Variants in STK35 observed in about 807,000 individuals in gnomAD.
STK35 encodes the protein serine/threonine kinase 35.
Under a neutral mutation model 37.3 loss-of-function variants are expected in STK35, and 17 were observed. The observed-to-expected ratio is 0.46, with a 90% confidence interval of 0.31 to 0.68. The LOEUF (loss-of-function observed/expected upper bound fraction) is 0.68. Ranked by LOEUF, STK35 falls within the 30% of genes least tolerant of loss-of-function variation. The pLI, the probability that STK35 is intolerant of heterozygous loss-of-function variation, is 0.05. For missense variants in STK35, 595 were observed against 746.7 expected (o/e 0.80, Z 2.37); for synonymous variants, 385 against 319.1 (o/e 1.21, Z -2.20).
In STK35 at chr20:2,124,386, AC is replaced by A. The variant is rs138140898; in HGVS notation, c.*37+6975del. Reference sequence around the variant, plus strand: ...GTCGAAGTCAGTGGTTTGGTTTTGCACCCCAGAAGCTGATCCCTACTTAGTC... The same window carrying A: ...GTCGAAGTCAGTGGTTTGGTTTTGCACCCAGAAGCTGATCCCTACTTAGTC... On this transcript the variant is annotated intron_variant, in intron 3 of 3. Transcript: ENST00000381482. Among the ~76,000 whole-genome samples, 13 of 152,200 alleles carry A rather than the reference AC, an allele frequency of 8.5e-5. No homozygotes were observed. In the East Asian group the frequency reaches 2.5e-3, roughly 29 times the overall value.
intron 3 of STK35, among the ~76,000 whole-genome samples, chr20:2,121,612 G>T (rs1304557131): frequency 6.6e-6 from 1 of 152,156 alleles, no homozygotes; most frequent in East Asian, 1.9e-4. Flanking sequence ...GTCCAGCCTA[G>T]AGATACAAAT....
At position 2,117,167 on chromosome 20, in the gene STK35, C is replaced by T. The variant is rs751633704; in HGVS notation, c.1394C>T (p.Thr465Ile). ...GAGACCAAGAAGGAGCTCCTGGGGA[C>T]CTACATTAAACAGGGGACTGAGATC... ...DSETKKELLG[T>I]YIKQGTEIVP... Residue 465 changes from threonine (T) to isoleucine (I), a missense_variant, in exon 3 of 4, where the codon ACC (threonine) becomes ATC (isoleucine). Coordinates refer to ENST00000381482, the MANE Select transcript of STK35 (RefSeq NM_080836.4). The surrounding 1 kb of genome is among the most constrained non-coding windows in gnomAD (Gnocchi z 4.4). 1 of 1,614,020 alleles carries T rather than the reference C, an allele frequency of 6.2e-7. No individual in the cohort carries two copies. Among genetic ancestry groups the T allele is most frequent in the East Asian group, 2.2e-5 (1 of 44,868 alleles).
At chr20:2,137,036 C>T (rs1327407099) in intron 3 of STK35, among the ~76,000 whole-genome samples, 1 of 152,142 alleles carries the variant, frequency 6.6e-6, no homozygotes, top group African/African-American at 2.4e-5. Flanking sequence ...AGGCTGTCAC[C>T]TCAAGAGAAG....
chr20:2,102,692 G>A, intron 1 of STK35, 76 bp from the exon 2 acceptor site: 2 of 1,269,826 alleles, frequency 1.6e-6, no homozygotes, highest in Non-Finnish European at 2.0e-6. Context: ...GGGAGGAGGA[G>A]GTGGGACGCC....
intron 3 of STK35, among the ~76,000 whole-genome samples, chr20:2,134,503 TAATA>T (rs1986052551): frequency 6.6e-6 from 1 of 152,190 alleles, no homozygotes; most frequent in African/African-American, 2.4e-5. Flanking sequence ...GTTTTTGCCT[TAATA>T]AATAAGGGGC....
intron 3 of STK35, among the ~76,000 whole-genome samples, chr20:2,129,264 C>G (rs998298186): frequency 6.6e-6 from 1 of 152,144 alleles, no homozygotes; most frequent in Non-Finnish European, 1.5e-5. Context: ...CATGTAAACC[C>G]TGGGCATCTC....
At chr20:2,129,323 A>G (rs1343571588) in intron 3 of STK35, among the ~76,000 whole-genome samples, 1 of 152,068 alleles carries the variant, frequency 6.6e-6, no homozygotes, top group Non-Finnish European at 1.5e-5. Flanking sequence ...TAACACCTGG[A>G]GGGATTGCCG....
At chr20:2,137,206 T>C (rs1986101632) in intron 3 of STK35, among the ~76,000 whole-genome samples, 2 of 152,238 alleles carry the variant, frequency 1.3e-5, no homozygotes, top group Admixed American at 6.5e-5. Flanking sequence ...ACCTGCTATG[T>C]GTACTATCAC....
intron 2 of STK35, among the ~76,000 whole-genome samples, chr20:2,114,615 A>G (rs868677950): frequency 6.6e-6 from 1 of 152,294 alleles, no homozygotes; most frequent in South Asian, 2.1e-4. Flanking sequence ...CTCCTTCCTC[A>G]GAGCAGCTCC....
intron 3 of STK35, among the ~76,000 whole-genome samples, chr20:2,118,364 A>C (rs1209142379): frequency 6.6e-6 from 1 of 152,324 alleles, no homozygotes; most frequent in South Asian, 2.1e-4. Context: ...GCGGATCACG[A>C]GGTCAGGAGA....
At chr20:2,113,216 C>G (rs903876526) in intron 2 of STK35, among the ~76,000 whole-genome samples, 1 of 152,120 alleles carries the variant, frequency 6.6e-6, no homozygotes. Context: ...CTGGGGAGGC[C>G]GGAAGACTGA....
At chr20:2,139,253 G>A (rs557983375) in intron 3 of STK35, among the ~76,000 whole-genome samples, 1 of 152,272 alleles carries the variant, frequency 6.6e-6, no homozygotes, top group East Asian at 1.9e-4. Flanking sequence ...CTTCATGAAA[G>A]TAGTTCAGTT....
Position 2,102,802 on chromosome 20 carries a change from G to T in STK35, c.329G>T (p.Arg110Met). Residue 110 changes from arginine to methionine, a missense_variant, in exon 2 of 4, where the codon AGG becomes ATG. Transcript: ENST00000381482. ...CAAGGTCCGGCTCCTCCGCGTCCCA[G>T]GGCCGGACGGAGGGATGAGGCAGGG... ...TIQGPAPPRPRAGRRDEAGGA... is the reference protein window; with the variant it reads ...TIQGPAPPRPMAGRRDEAGGA... 1.3e-6 allele frequency: 2 copies of T among 1,503,380 alleles called. No individual in the cohort carries two copies. The highest frequency in any genetic ancestry group is 1.8e-6 in the Non-Finnish European group (2 of 1,130,740). The allele number at this position is 1,503,380 out of a possible 1,614,324, so 93.1% of individuals were successfully genotyped here.
At chr20:2,103,481 T>G in intron 2 of STK35, 116 bp downstream of exon 2, 1 of 993,576 alleles carries the variant, frequency 1.0e-6, no homozygotes. Context: ...CCTGTCACCC[T>G]GTGCCCTGAC....
chr20:2,140,144 G>C (rs902417902), intron 3 of STK35, among the ~76,000 whole-genome samples: 2 of 152,186 alleles, frequency 1.3e-5, no homozygotes, highest in Admixed American at 6.5e-5. Flanking sequence ...TCATGGAAGG[G>C]CACTACAGAT....
chr20:2,132,648 T>G lies in STK35; in HGVS notation c.*38-11136T>G, dbSNP rs556591193. 3.4e-4 allele frequency among the ~76,000 whole-genome samples: 52 copies of G among 152,350 alleles called. 2 individuals carry two copies. The South Asian group carries it at 9.5e-3, about 28-fold the overall frequency. On this transcript the variant is annotated intron_variant, in intron 3 of 3. Transcript: ENST00000381482. The stretch of plus-strand genomic sequence containing the variant: ...ACTGGCAGTACCTGTCTCCAAAAAG[T>G]GTGAGACTGCACAGGCACCTTCCAG...
At chr20:2,107,261 G>A (rs1985532842) in intron 2 of STK35, among the ~76,000 whole-genome samples, 1 of 152,196 alleles carries the variant, frequency 6.6e-6, no homozygotes. Flanking sequence ...AGCAAGTGAG[G>A]ACACACTCAC....
Position 2,103,137 on chromosome 20 carries a change from G to T in STK35, c.664G>T (p.Gly222Trp). The change falls in exon 2 of 4, where the codon GGG becomes TGG. Residue 222 changes from glycine (G) to tryptophan (W), a missense_variant. Around this residue, in one of 3 missense-constraint regions of STK35, gnomAD observed 97 missense variants for 146.4 expected, o/e 0.66. Coordinates refer to ENST00000381482, the MANE Select transcript of STK35 (RefSeq NM_080836.4). ...CGGCGTGGTTTATGAGGCAGTGGCC[G>T]GGCGCAGCGGGGCCCGGGTGGCGGT... ...SYGVVYEAVAGRSGARVAVKK... is the reference protein window; with the variant it reads ...SYGVVYEAVAWRSGARVAVKK... The T allele has an allele frequency of 6.2e-7, 1 of 1,604,856 alleles. No homozygotes were observed. The highest frequency in any genetic ancestry group is 2.2e-5 in the East Asian group (1 of 44,730).
chr20:2,101,967 G>GC lies in STK35; in HGVS notation c.87dup (p.Glu30ArgfsTer87). ...AGGTTATGTAAAGGGCTCAGCTGGC[G>GC]CGAACACGTGGAAAGCCACGGGAGC... On this transcript the variant is annotated frameshift_variant, in exon 1 of 4. Coordinates refer to ENST00000381482, the MANE Select transcript of STK35 (RefSeq NM_080836.4). LOFTEE classifies it high-confidence loss of function. 1 of 1,522,954 alleles carries GC rather than the reference G, an allele frequency of 6.6e-7. No individual in the cohort carries two copies. The highest frequency in any genetic ancestry group is 8.8e-7 in the Non-Finnish European group (1 of 1,138,180). The allele number at this position is 1,522,954 out of a possible 1,614,324, so 94.3% of individuals were successfully genotyped here.
Sources: allele counts gnomAD v4.1 joint callset (sites outside exome capture counted in the v4.1 genomes callset), GRCh38; gene constraint gnomAD v4.1.1; regional missense constraint gnomAD v4.1.1; non-coding constraint Gnocchi (gnomAD v3.1); transcripts MANE v1.5; gene names NCBI Gene and HGNC (gene_info 2026-07-23, HGNC 2026-07-21).